MASTL: variants seen among roughly 807,000 people sequenced by gnomAD.
MASTL encodes the protein serine/threonine-protein kinase greatwall.
Under a neutral mutation model 82.5 loss-of-function variants are expected in MASTL, and 54 were observed. That is an observed-to-expected ratio of 0.65 (90% CI 0.53 to 0.82). MASTL has a LOEUF of 0.82. Ranked by LOEUF, MASTL falls within the 40% of genes least tolerant of loss-of-function variation. The pLI is 0.00. For synonymous variants in MASTL, 323 were observed against 368.9 expected (o/e 0.88, Z 1.43); for missense variants, 950 against 1,047.8 (o/e 0.91, Z 1.29).
rs1294382343 is a variant in MASTL at position 27,158,593 on chromosome 10, G to C, written c.231G>C (p.Gln77His). The stretch of plus-strand genomic sequence containing the variant: ...TGATCAACAAAAATATGACTCATCA[G>C]GTCCAAGCTGAGAGAGATGCACTGG... ...ADMINKNMTH[Q>H]VQAERDALAL... Residue 77 changes from glutamine to histidine, a missense_variant, in exon 2 of 12, where the codon CAG (glutamine) becomes CAC (histidine). Coordinates refer to ENST00000375940, the MANE Select transcript of MASTL (RefSeq NM_001172303.3). 3.7e-6 allele frequency: 6 copies of C among 1,611,630 alleles called. No individual in the cohort carries two copies. Among genetic ancestry groups the C allele is most frequent in the Non-Finnish European group, 5.1e-6 (6 of 1,177,828 alleles).
At chr10:27,172,330 T>C (rs1242007982) in intron 8 of MASTL, among the ~76,000 whole-genome samples, 2 of 152,146 alleles carry the variant, frequency 1.3e-5, no homozygotes, top group Non-Finnish European at 2.9e-5. Context: ...TTTTTCTAAA[T>C]GTCTGTAAGG....
chr10:27,166,495 T>C (rs1291754539), intron 6 of MASTL, among the ~76,000 whole-genome samples: 1 of 152,096 alleles, frequency 6.6e-6, no homozygotes, highest in Non-Finnish European at 1.5e-5. Context: ...AGTTATACAT[T>C]AATTTGGTGG....
chr10:27,170,417 T>G lies in MASTL; in HGVS notation c.1458T>G (p.Val486=). 1 of 1,614,092 alleles carries G rather than the reference T, an allele frequency of 6.2e-7. No homozygotes were observed. The highest frequency in any genetic ancestry group is 8.5e-7 in the Non-Finnish European group (1 of 1,179,994). ...CAAATCAAAATACAGGCTTAACAGT[T>G]GAAGTGCAGGACCTTAAGCTATCAG... ...CYTNQNTGLT[V]EVQDLKLSVH... The change falls in exon 8 of 12, where the codon GTT becomes GTG. Residue 486 remains valine, a synonymous_variant. Transcript: ENST00000375940.
At chr10:27,162,668 C>T (rs1435076971) in intron 4 of MASTL, among the ~76,000 whole-genome samples, 1 of 148,744 alleles carries the variant, frequency 6.7e-6, no homozygotes, top group East Asian at 2.0e-4. Flanking sequence ...TACTCCATCT[C>T]GAAAAAAAAA....
chr10:27,172,967 C>T, intron 8 of MASTL, 151 bp from the exon 9 acceptor site: 1 of 800,496 alleles, frequency 1.2e-6, no homozygotes, highest in African/African-American at 1.7e-5. Context: ...ACTAATTATG[C>T]ATTCATTTTC....
At chr10:27,179,496 G>T (rs749110322) in intron 9 of MASTL, among the ~76,000 whole-genome samples, 22 of 152,206 alleles carry the variant, frequency 1.4e-4, no homozygotes, top group Non-Finnish European at 2.2e-4. Context: ...GGCAGAGCTT[G>T]CAGTGAGCAG....
Position 27,186,963 on chromosome 10 carries a change from T to G in MASTL, c.*427T>G, listed in dbSNP as rs1315404969. 4.1e-6 allele frequency: 1 copy of G among 243,744 alleles called. No homozygotes were observed. 15.1% of individuals were successfully genotyped at this position (243,744 alleles called of 1,614,324 possible). A position where few individuals can be genotyped will look rare whatever the true frequency, so the allele number is the denominator to read the frequency against. On this transcript the variant is annotated 3_prime_UTR_variant, in exon 12 of 12. Coordinates refer to ENST00000375940, the MANE Select transcript of MASTL (RefSeq NM_001172303.3). ...TGCATATGATTACCTTCAAAAGCTGTGTTCTTGAGGGCAATCATTTAAGGC... is the reference window on the plus strand; with the variant it reads ...TGCATATGATTACCTTCAAAAGCTGGGTTCTTGAGGGCAATCATTTAAGGC...
intron 4 of MASTL, among the ~76,000 whole-genome samples, chr10:27,161,506 C>T (rs1347436440): frequency 1.4e-5 from 2 of 145,920 alleles, no homozygotes; most frequent in African/African-American, 2.5e-5. Context: ...GAAAATCTCT[C>T]TCAAAAAAAA....
chr10:27,161,945 G>A (rs1358819262), intron 4 of MASTL, among the ~76,000 whole-genome samples: 1 of 152,080 alleles, frequency 6.6e-6, no homozygotes, highest in Non-Finnish European at 1.5e-5. Context: ...TGAATACACA[G>A]TTAACACATA....
intron 11 of MASTL, among the ~76,000 whole-genome samples, chr10:27,182,876 G>A (rs1278121838): frequency 6.6e-6 from 1 of 151,562 alleles, no homozygotes; most frequent in Non-Finnish European, 1.5e-5. Flanking sequence ...TTGAACTCCT[G>A]GGCTCAAAGG....
At chr10:27,181,095 C>G in intron 10 of MASTL, 29 bp downstream of exon 10, 2 of 1,476,654 alleles carry the variant, frequency 1.4e-6, no homozygotes, top group Non-Finnish European at 1.9e-6. Flanking sequence ...TTAAGATAGT[C>G]ATTTACTGGC....
chr10:27,164,055 C>T (rs1408988644), intron 4 of MASTL, among the ~76,000 whole-genome samples: 1 of 152,170 alleles, frequency 6.6e-6, no homozygotes, highest in Non-Finnish European at 1.5e-5. Flanking sequence ...ATTCTTGTCC[C>T]TCAGCCTTCC....
At chr10:27,155,287 G>T, upstream of MASTL, 1 of 794,968 alleles carries the variant, frequency 1.3e-6, no homozygotes, top group Non-Finnish European at 2.0e-6. Context: ...GCGTAGGGGA[G>T]GTGACGAGGG....
chr10:27,175,732 C>T (rs1245900184), intron 9 of MASTL, among the ~76,000 whole-genome samples: 5 of 152,148 alleles, frequency 3.3e-5, no homozygotes, highest in Non-Finnish European at 7.3e-5. Flanking sequence ...CTGACTTTCT[C>T]TAGGCAGCAG....
chr10:27,159,583 GT>G lies in MASTL; in HGVS notation c.325-31del. On this transcript the variant is annotated intron_variant, in intron 2 of 11. Transcript: ENST00000375940. This position sits in a 1 kb window ranked among gnomAD's most constrained non-coding sequence, Gnocchi z 4.0. ...ACTAGATTTTTAAAGTAATCATATT[GT>G]TTTTATTTCACAATATTAAATTCTT... The G allele has an allele frequency of 2.2e-6, 3 of 1,388,872 alleles. No individual in the cohort carries two copies. The highest frequency in any genetic ancestry group is 3.1e-6 in the Non-Finnish European group (3 of 978,906). 86.0% of individuals were successfully genotyped at this position (1,388,872 alleles called of 1,614,324 possible).
chr10:27,179,942 G>A (rs2058219825), intron 9 of MASTL, among the ~76,000 whole-genome samples: 1 of 152,102 alleles, frequency 6.6e-6, no homozygotes, highest in Non-Finnish European at 1.5e-5. Flanking sequence ...AACATATCCA[G>A]AATATCAGAA....
At chr10:27,184,073 T>C (rs1389792928) in intron 11 of MASTL, among the ~76,000 whole-genome samples, 3 of 152,144 alleles carry the variant, frequency 2.0e-5, no homozygotes, top group Admixed American at 6.5e-5. Context: ...CTAGGTGATA[T>C]TGCTTCAGGC....
intron 7 of MASTL, among the ~76,000 whole-genome samples, chr10:27,169,557 G>A (rs2057850881): frequency 1.4e-5 from 2 of 146,510 alleles, no homozygotes; most frequent in Non-Finnish European, 1.5e-5. Flanking sequence ...ACGACAGCAA[G>A]ACCCCATTTC....
chr10:27,169,299 A>G lies in MASTL; in HGVS notation c.985-645A>G, dbSNP rs539813591. Among the ~76,000 whole-genome samples, 21 of 152,200 alleles carry G rather than the reference A, an allele frequency of 1.4e-4. No individual in the cohort carries two copies. The South Asian group carries it at 4.4e-3, about 32-fold the overall frequency. ...TCATCCAGGCCAGGTGTGGTAGCTT[A>G]CACCTGTAATCCCAGCACTTTGGGA... is the stretch of plus-strand genomic sequence containing the variant. On this transcript the variant is annotated intron_variant, in intron 7 of 11. Coordinates refer to ENST00000375940, the MANE Select transcript of MASTL (RefSeq NM_001172303.3).
Sources: allele counts gnomAD v4.1 joint callset (sites outside exome capture counted in the v4.1 genomes callset), GRCh38; gene constraint gnomAD v4.1.1; non-coding constraint Gnocchi (gnomAD v3.1); transcripts MANE v1.5; gene names NCBI Gene and HGNC (gene_info 2026-07-23, HGNC 2026-07-21).